DCHS2: variants seen among roughly 807,000 people sequenced by gnomAD.
DCHS2 encodes dachsous cadherin-related 2, also known as protocadherin-23.
In DCHS2, 142 loss-of-function variants were observed where a neutral mutation model predicts 182.4. That is an observed-to-expected ratio of 0.78 (90% confidence interval 0.68 to 0.89). The LOEUF (loss-of-function observed/expected upper bound fraction) is 0.89. DCHS2 is among the 40% of genes least tolerant of loss of function. DCHS2 has a pLI of 0.00. For synonymous variants in DCHS2, 1,740 were observed against 1,663.3 expected (o/e 1.05, Z -1.12); for missense variants, 4,319 against 4,198.6 (o/e 1.03, Z -0.79).
At chr4:154,422,451 T>C (rs1443713480) in intron 1 of DCHS2, among the ~76,000 whole-genome samples, 1 of 152,192 alleles carries the variant, frequency 6.6e-6, no homozygotes, top group Non-Finnish European at 1.5e-5. Flanking sequence ...CTATTGCCTC[T>C]ACATTCAAAA....
intron 5 of DCHS2, among the ~76,000 whole-genome samples, chr4:154,331,336 G>T (rs573535789): frequency 3.9e-5 from 6 of 152,092 alleles, no homozygotes; most frequent in Non-Finnish European, 7.4e-5. Context: ...TGTAGGGGAG[G>T]GAAGATCACG....
rs1323034946 is a variant in DCHS2, at chr4:154,333,414, T to A, written c.2794A>T (p.Ile932Phe). The change falls in exon 5 of 20, where the codon ATT becomes TTT. Residue 932 changes from isoleucine to phenylalanine, a missense_variant. Ile to Phe is a conservative substitution (Grantham distance 21, BLOSUM62 0). Transcript: ENST00000357232. ...TGATCCAGGGGCTTCCGGGTGCGAA[T>A]AGTGCCCAGCCGCGGGTGAATGGAG... The part of the protein sequence containing the change: ...KFSIHPRLGT[I>F]RTRKPLDHET... The A allele has an allele frequency of 6.2e-7, 1 of 1,613,964 alleles. No homozygotes were observed. The highest frequency in any genetic ancestry group is 2.2e-5 in the East Asian group (1 of 44,858).
chr4:154,419,073 GGCC>G lies in DCHS2; in HGVS notation c.2053-41632_2053-41630del, dbSNP rs1314278513. ...CATGAATGTAATAGCTACAAAAATA[GGCC>G]TCCTGAGTAGGTGACTCAATTTAAT... On this transcript the variant is annotated intron_variant, in intron 1 of 19. Coordinates refer to ENST00000357232, the MANE Select transcript of DCHS2 (RefSeq NM_001358235.2). Among the ~76,000 whole-genome samples, 584 of 152,290 alleles carry G rather than the reference GGCC, an allele frequency of 3.8e-3. 1 individual carries two copies. The highest frequency in any genetic ancestry group is 0.013 in the African/African-American group (548 of 41,558).
chr4:154,300,801 T>C (rs1236228560), intron 12 of DCHS2, among the ~76,000 whole-genome samples: 1 of 152,158 alleles, frequency 6.6e-6, no homozygotes, highest in East Asian at 1.9e-4. Flanking sequence ...AATATTTGCG[T>C]GCAGGAAGTG....
chr4:154,239,067 G>C (rs1196497457), intron 19 of DCHS2, 103 bp downstream of exon 19: 17 of 1,426,580 alleles, frequency 1.2e-5, no homozygotes, highest in South Asian at 4.3e-5. Flanking sequence ...CATGCGGGGT[G>C]GGGAGGTGGG....
intron 1 of DCHS2, among the ~76,000 whole-genome samples, chr4:154,456,892 T>G (rs1400229633): frequency 6.6e-6 from 1 of 152,174 alleles, no homozygotes; most frequent in Non-Finnish European, 1.5e-5. Context: ...TATTGCCATA[T>G]GGGACTTTTT....
intron 1 of DCHS2, among the ~76,000 whole-genome samples, chr4:154,415,187 A>T (rs1050107128): frequency 2.0e-5 from 3 of 152,194 alleles, no homozygotes; most frequent in African/African-American, 4.8e-5. Flanking sequence ...AACCATAAAA[A>T]TTTTTTCAGA....
At chr4:154,379,319 C>G (rs1731064966) in intron 1 of DCHS2, among the ~76,000 whole-genome samples, 1 of 152,172 alleles carries the variant, frequency 6.6e-6, no homozygotes, top group African/African-American at 2.4e-5. Flanking sequence ...GTGCTCAGCT[C>G]ACATTCCACT....
intron 3 of DCHS2, among the ~76,000 whole-genome samples, chr4:154,359,664 C>T (rs146978960): frequency 7.9e-5 from 12 of 151,958 alleles, no homozygotes; most frequent in African/African-American, 2.9e-4. Flanking sequence ...ACTTATTTAC[C>T]AAATAGATTA....
intron 13 of DCHS2, among the ~76,000 whole-genome samples, chr4:154,271,794 A>G (rs1733609992): frequency 6.6e-6 from 1 of 152,210 alleles, no homozygotes; most frequent in Non-Finnish European, 1.5e-5. Context: ...TAATCTGTAC[A>G]TATTTTAAAT....
At chr4:154,262,764 C>T (rs757696886) in intron 14 of DCHS2, among the ~76,000 whole-genome samples, 5 of 152,116 alleles carry the variant, frequency 3.3e-5, no homozygotes, top group African/African-American at 7.2e-5. Context: ...GCTTTCAAAC[C>T]GTCTCCTACT....
chr4:154,265,051 A>G lies in DCHS2; in HGVS notation c.6577+4849T>C, dbSNP rs185743301. Among the ~76,000 whole-genome samples the G allele has an allele frequency of 7.4e-4, 112 of 152,316 alleles. 2 individuals are homozygous for G. Among genetic ancestry groups the G allele is most frequent in the African/African-American group, 2.4e-3 (100 of 41,578 alleles). On this transcript the variant is annotated intron_variant, in intron 14 of 19. Coordinates refer to ENST00000357232, the MANE Select transcript of DCHS2 (RefSeq NM_001358235.2). ...CGAGGCTAGCCACCGAAATAAGAAA[A>G]ATAACTATATAACTTCAGACAGGGG...
In DCHS2 at chr4:154,234,049, C is replaced by T. The variant is rs116304212; in HGVS notation, c.*487G>A. 7.5e-3 allele frequency: 1,151 copies of T among 152,564 alleles called. 10 individuals are homozygous for T. The highest frequency in any genetic ancestry group is 0.026 in the African/African-American group (1,101 of 41,562). 9.5% of individuals were successfully genotyped at this position (152,564 alleles called of 1,614,324 possible). A position where few individuals can be genotyped will look rare whatever the true frequency, so the allele number is the denominator to read the frequency against. On this transcript the variant is annotated 3_prime_UTR_variant, in exon 20 of 20. Coordinates refer to ENST00000357232, the MANE Select transcript of DCHS2 (RefSeq NM_001358235.2). ...CCTCTAAATATATCAGATCCACCAA[C>T]TATTGCTTTATCTTAAAATGAAAGT... is the stretch of plus-strand genomic sequence containing the variant.
chr4:154,232,821 A>C lies in DCHS2; in HGVS notation c.*1715T>G, dbSNP rs1391808643. ...TCATATATCAGTCCCATAGTATTTAAATTTTCTACTCCTAAAGGATTTTTC... is the reference window on the plus strand; with the variant it reads ...TCATATATCAGTCCCATAGTATTTACATTTTCTACTCCTAAAGGATTTTTC... On this transcript the variant is annotated 3_prime_UTR_variant, in exon 20 of 20. Coordinates refer to ENST00000357232, the MANE Select transcript of DCHS2 (RefSeq NM_001358235.2). 1 of 152,054 alleles carries C rather than the reference A, an allele frequency of 6.6e-6. No individual in the cohort carries two copies. Among genetic ancestry groups the C allele is most frequent in the African/African-American group, 2.4e-5 (1 of 41,428 alleles). The allele number at this position is 152,054 out of a possible 1,614,324, so 9.4% of individuals were successfully genotyped here.
At chr4:154,358,155 T>C (rs1729959198) in intron 3 of DCHS2, among the ~76,000 whole-genome samples, 1 of 152,230 alleles carries the variant, frequency 6.6e-6, no homozygotes, top group African/African-American at 2.4e-5. Context: ...TCTTAGTTTC[T>C]CAGTCCAAAC....
chr4:154,463,120 T>C (rs1219095546), intron 1 of DCHS2, among the ~76,000 whole-genome samples: 1 of 150,562 alleles, frequency 6.6e-6, no homozygotes, highest in Non-Finnish European at 1.5e-5. Flanking sequence ...CTTATGTATA[T>C]ACATAAGTAT....
chr4:154,339,436 A>G (rs2111380380), intron 3 of DCHS2, among the ~76,000 whole-genome samples: 1 of 151,974 alleles, frequency 6.6e-6, no homozygotes, highest in Non-Finnish European at 1.5e-5. Context: ...TAAAAGTAAT[A>G]ATCACATGAA....
chr4:154,351,614 T>G (rs1729614024), intron 3 of DCHS2, among the ~76,000 whole-genome samples: 1 of 152,146 alleles, frequency 6.6e-6, no homozygotes, highest in Admixed American at 6.5e-5. Context: ...AGGGACCGGT[T>G]TCGTGGAAGA....
At chr4:154,408,820 A>G (rs1732506064) in intron 1 of DCHS2, among the ~76,000 whole-genome samples, 1 of 151,972 alleles carries the variant, frequency 6.6e-6, no homozygotes, top group African/African-American at 2.4e-5. Context: ...TGCGGAGAAA[A>G]AGTAAGCAAG....
Sources: allele counts gnomAD v4.1 joint callset (sites outside exome capture counted in the v4.1 genomes callset), GRCh38; gene constraint gnomAD v4.1.1; transcripts MANE v1.5; gene names NCBI Gene and HGNC (gene_info 2026-07-23, HGNC 2026-07-21).